Variants in GRID2 observed in about 807,000 individuals in gnomAD.
GRID2 encodes glutamate ionotropic receptor delta type subunit 2, also known as glutamate receptor ionotropic, delta-2.
In GRID2, 33 loss-of-function variants were observed where a neutral mutation model predicts 114.8. That is an observed-to-expected ratio of 0.29 (90% CI 0.22 to 0.38). The LOEUF is 0.38. GRID2 is among the 10% of genes least tolerant of loss of function. The pLI, the probability that GRID2 is intolerant of heterozygous loss-of-function variation, is 1.00. For missense variants in GRID2, 1,184 were observed against 1,257.7 expected (o/e 0.94, Z 0.89); for synonymous variants, 505 against 449.9 (o/e 1.12, Z -1.55).
intron 1 of GRID2, among the ~76,000 whole-genome samples, chr4:92,454,784 C>T (rs1560642277): frequency 1.3e-5 from 2 of 152,112 alleles, no homozygotes; most frequent in South Asian, 4.1e-4. Context: ...TGCATTGAGC[C>T]GAGATCGCAC....
chr4:92,614,901 A>G (rs1729931796), intron 2 of GRID2, among the ~76,000 whole-genome samples: 2 of 149,642 alleles, frequency 1.3e-5, no homozygotes, highest in African/African-American at 4.9e-5. Context: ...GTTTAGAATT[A>G]TTATATTTTA....
At chr4:92,785,218 A>G (rs1289298405) in intron 2 of GRID2, among the ~76,000 whole-genome samples, 1 of 151,252 alleles carries the variant, frequency 6.6e-6, no homozygotes, top group Admixed American at 6.6e-5. Context: ...TTGTAGACAA[A>G]CGGATGAAGC....
intron 2 of GRID2, among the ~76,000 whole-genome samples, chr4:92,947,365 A>C (rs148841533): frequency 2.3e-4 from 35 of 152,150 alleles, no homozygotes; most frequent in African/African-American, 7.9e-4. Flanking sequence ...TGTTTAACAA[A>C]ATAATGCAGT....
At chr4:92,470,279 CA>C (rs576658388) in intron 1 of GRID2, among the ~76,000 whole-genome samples, 15 of 150,614 alleles carry the variant, frequency 1.0e-4, no homozygotes, top group South Asian at 4.2e-4. Flanking sequence ...TTTTATCATC[CA>C]AAAAAAATCA....
intron 14 of GRID2, among the ~76,000 whole-genome samples, chr4:93,660,057 A>G (rs1723350219): frequency 6.6e-6 from 1 of 152,138 alleles, no homozygotes; most frequent in East Asian, 1.9e-4. Context: ...TTTTCTAAAA[A>G]AAAAATTTTT....
chr4:93,359,047 CA>C (rs762113737), intron 8 of GRID2, among the ~76,000 whole-genome samples: 2 of 152,052 alleles, frequency 1.3e-5, no homozygotes, highest in Non-Finnish European at 2.9e-5. Flanking sequence ...AGGTTTGACT[CA>C]CCTCAGCTGG....
At position 92,470,256 on chromosome 4, in the gene GRID2, A is replaced by G. The variant is rs576479878; in HGVS notation, c.89-119875A>G. On this transcript the variant is annotated intron_variant, in intron 1 of 15. Transcript: ENST00000282020. ...TTTGAGAGAATTTTCACAGAATGCT[A>G]AAGTTCTCTCTTTTTTATCATCCAA... is the stretch of plus-strand genomic sequence containing the variant. Among the ~76,000 whole-genome samples the G allele has an allele frequency of 2.3e-4, 35 of 152,068 alleles. No individual in the cohort carries two copies. In the South Asian group the frequency reaches 2.9e-3, roughly 13 times the overall value.
At chr4:92,909,797 A>G (rs1432378469) in intron 2 of GRID2, among the ~76,000 whole-genome samples, 2 of 152,184 alleles carry the variant, frequency 1.3e-5, no homozygotes, top group Admixed American at 6.6e-5. Context: ...TAAAAATTTC[A>G]ATAGATCATG....
rs1210055720 is a variant in GRID2 at position 93,769,283 on chromosome 4, G to C, written c.2434G>C (p.Asp812His). ...HKWWPKNGQC[D>H]LYSSVDTKQK... is the part of the protein sequence containing the mutation. ...ATGGTGGCCTAAGAATGGCCAGTGTGACCTGTACTCGTCAGTGGACACAAA... is the reference window on the plus strand; with the variant it reads ...ATGGTGGCCTAAGAATGGCCAGTGTCACCTGTACTCGTCAGTGGACACAAA... Residue 812 changes from aspartate to histidine, a missense_variant, in exon 15 of 16, where the codon GAC (aspartate) becomes CAC (histidine). Asp to His is a moderately conservative substitution (Grantham distance 81). Around this residue, in one of 3 missense-constraint regions of GRID2, gnomAD observed 717 missense variants for 796.9 expected, o/e 0.90. Transcript: ENST00000282020. 5 of 1,614,046 alleles carry C rather than the reference G, an allele frequency of 3.1e-6. No individual in the cohort carries two copies. The South Asian group carries it at 5.5e-5, about 18-fold the overall frequency.
intron 2 of GRID2, among the ~76,000 whole-genome samples, chr4:92,619,384 G>A (rs967620748): frequency 1.3e-5 from 2 of 151,628 alleles, no homozygotes; most frequent in African/African-American, 2.4e-5. Context: ...ACCAGGAGGG[G>A]CTTATAGAGT....
chr4:93,482,698 TAATAAATA>T (rs752365549), intron 11 of GRID2, among the ~76,000 whole-genome samples: 147 of 151,896 alleles, frequency 9.7e-4, no homozygotes, highest in Non-Finnish European at 1.1e-3. Context: ...ACTTAAAGTA[TAATAAATA>T]AATAAATAAA....
intron 2 of GRID2, among the ~76,000 whole-genome samples, chr4:93,018,627 C>CTCAAAATTGAGTATATCAATT (rs556755496): frequency 9.2e-5 from 14 of 152,134 alleles, no homozygotes; most frequent in African/African-American, 3.4e-4. Flanking sequence ...ACAAAGAATA[C>CTCAAAATTGAGTATATCAATT]TCAAAATTGA....
intron 1 of GRID2, among the ~76,000 whole-genome samples, chr4:93,785,649 G>A (rs926753063): frequency 1.3e-5 from 2 of 152,204 alleles, no homozygotes; most frequent in Admixed American, 1.3e-4. Flanking sequence ...AGTGTTCCAG[G>A]CATCACTAAG....
chr4:93,495,831 T>G (rs927904156), intron 12 of GRID2, among the ~76,000 whole-genome samples: 1 of 151,782 alleles, frequency 6.6e-6, no homozygotes, highest in African/African-American at 2.4e-5. Context: ...TATTTACTTA[T>G]GTAGTGGATG....
intron 2 of GRID2, among the ~76,000 whole-genome samples, chr4:92,690,343 G>GAC (rs1560534536): frequency 5.3e-5 from 8 of 152,168 alleles, no homozygotes; most frequent in African/African-American, 1.9e-4. Context: ...CATGGGAACA[G>GAC]TTGGTAAGTG....
intron 2 of GRID2, among the ~76,000 whole-genome samples, chr4:92,993,304 CA>C (rs1462970526): frequency 6.8e-6 from 1 of 147,302 alleles, no homozygotes; most frequent in Non-Finnish European, 1.5e-5. Flanking sequence ...AAAAAAAAAA[CA>C]AAAAACTTTC....
At chr4:93,626,563 C>A (rs1039376174) in intron 14 of GRID2, 128 bp downstream of exon 14, 15 of 582,344 alleles carry the variant, frequency 2.6e-5, no homozygotes, top group South Asian at 8.1e-5. Flanking sequence ...ACAACAACAA[C>A]AAAAAAGATA....
At chr4:93,398,804 T>C (rs897686272) in intron 9 of GRID2, among the ~76,000 whole-genome samples, 1 of 151,514 alleles carries the variant, frequency 6.6e-6, no homozygotes, top group Non-Finnish European at 1.5e-5. Context: ...TGGGTGCCAG[T>C]TGAGTAACAG....
chr4:93,587,936 T>G (rs1323966724), intron 13 of GRID2, among the ~76,000 whole-genome samples: 1 of 152,132 alleles, frequency 6.6e-6, no homozygotes, highest in East Asian at 1.9e-4. Flanking sequence ...TCATTCTTTC[T>G]GCAAAATTAG....
Sources: allele counts gnomAD v4.1 joint callset (sites outside exome capture counted in the v4.1 genomes callset), GRCh38; gene constraint gnomAD v4.1.1; regional missense constraint gnomAD v4.1.1; transcripts MANE v1.5; gene names NCBI Gene and HGNC (gene_info 2026-07-23, HGNC 2026-07-21).